Variants in ZNF469 observed in about 807,000 individuals in gnomAD.
The protein encoded by ZNF469 is zinc finger protein 469.
In ZNF469, 1 loss-of-function variant was observed where a neutral mutation model predicts 1.0. The observed-to-expected ratio is 1.00, with a 90% CI of 0.35 to 4.73. The LOEUF is 4.73. Among genes scored for constraint, ZNF469 ranks in the 30% most tolerant of loss-of-function variants. ZNF469 has a pLI of 0.16. For missense variants in ZNF469, 6,100 were observed against 5,356.3 expected, an observed-to-expected ratio of 1.14 and a Z score of -4.33; for synonymous variants, 2,703 against 2,363.4, an observed-to-expected ratio of 1.14 and a Z score of -4.17.
chr16:88,378,771 C>G (rs995970748), upstream of ZNF469, among the ~76,000 whole-genome samples: 2 of 152,240 alleles, frequency 1.3e-5, no homozygotes, highest in African/African-American at 4.8e-5. Flanking sequence ...TCAGCTTCCC[C>G]TATCTAGCAA....
At chr16:88,135,853 C>T in the ZNF469 span, among the ~76,000 whole-genome samples, 13 of 149,072 alleles carry the variant, frequency 8.7e-5, no homozygotes, top group African/African-American at 1.5e-4. Flanking sequence ...CTCCGTCTCC[C>T]GGGTTCACGC....
intron 2 of ZNF469, among the ~76,000 whole-genome samples, chr16:88,427,137 T>C (rs1905740367): frequency 6.6e-6 from 1 of 152,054 alleles, no homozygotes; most frequent in East Asian, 1.9e-4. Context: ...GGGTCCCTGT[T>C]CCATCTGGCG....
chr16:88,439,007 G>A lies in ZNF469; in HGVS notation c.11537G>A (p.Arg3846Gln), dbSNP rs542091960. ...CCCTCAGCCCCTGACAAGCCCCCCC[G>A]GACCCCTCGGAAGCAGGCAACTCCC... ...RAPSAPDKPP[R>Q]TPRKQATPSR... The change falls in exon 3 of 3, where the codon CGG (arginine) becomes CAG (glutamine). Residue 3846 changes from arginine to glutamine, a missense_variant. Transcript: ENST00000565624. 4.3e-5 allele frequency: 65 copies of A among 1,522,080 alleles called. No individual in the cohort carries two copies. The highest frequency in any genetic ancestry group is 1.7e-4 in the Middle Eastern group (1 of 5,854). 94.3% of individuals were successfully genotyped at this position (1,522,080 alleles called of 1,614,324 possible).
At chr16:88,422,478 G>C (rs1209118941) in intron 1 of ZNF469, among the ~76,000 whole-genome samples, 4 of 142,902 alleles carry the variant, frequency 2.8e-5, no homozygotes, top group African/African-American at 1.0e-4. Flanking sequence ...TGGATGGATG[G>C]GTGGGTGGAT....
chr16:88,433,118 G>A lies in ZNF469; in HGVS notation c.5648G>A (p.Cys1883Tyr). 4 of 1,550,346 alleles carry A rather than the reference G, an allele frequency of 2.6e-6. No individual in the cohort carries two copies. The highest frequency in any genetic ancestry group is 3.5e-6 in the Non-Finnish European group (4 of 1,146,954). The change falls in exon 3 of 3, where the codon TGT becomes TAT. Residue 1883 changes from cysteine to tyrosine, a missense_variant. Cys to Tyr is a radical substitution (Grantham distance 194). Coordinates refer to ENST00000565624, the MANE Select transcript of ZNF469 (RefSeq NM_001367624.2). The part of the protein sequence containing the change: ...AWLVPVPSPA[C>Y]VSNTHPSRRS... ...TTGGTCCCTGTGCCAAGTCCCGCCT[G>A]TGTATCCAACACCCACCCTAGCAGG...
chr16:88,187,753 C>T, the ZNF469 span, among the ~76,000 whole-genome samples: 17 of 141,172 alleles, frequency 1.2e-4, no homozygotes, highest in Admixed American at 1.2e-3. Flanking sequence ...GAAATCAAAA[C>T]CAGACAGAAT....
the ZNF469 span, among the ~76,000 whole-genome samples, chr16:88,216,289 A>G: frequency 6.6e-6 from 1 of 152,018 alleles, no homozygotes; most frequent in Non-Finnish European, 1.5e-5. Context: ...AGGTCAGGAG[A>G]TCGAGAACAT....
the ZNF469 span, among the ~76,000 whole-genome samples, chr16:88,236,810 T>C: frequency 6.6e-6 from 1 of 151,326 alleles, no homozygotes; most frequent in Non-Finnish European, 1.5e-5. Flanking sequence ...GAGGTTGCTG[T>C]GAGCCGAGCT....
the ZNF469 span, among the ~76,000 whole-genome samples, chr16:88,163,091 G>A: frequency 6.6e-6 from 1 of 151,346 alleles, no homozygotes; most frequent in Non-Finnish European, 1.5e-5. Flanking sequence ...ATGGATGCAT[G>A]ACTGGGTGGG....
At chr16:88,119,617 G>C in the ZNF469 span, among the ~76,000 whole-genome samples, 1 of 152,224 alleles carries the variant, frequency 6.6e-6, no homozygotes, top group African/African-American at 2.4e-5. Flanking sequence ...CGCAGAGGAT[G>C]GGGTGGAGAC....
the ZNF469 span, among the ~76,000 whole-genome samples, chr16:88,152,028 G>A: frequency 3.9e-5 from 6 of 152,196 alleles, no homozygotes; most frequent in East Asian, 5.8e-4. This position sits in a 1 kb window ranked among gnomAD's most constrained non-coding sequence, Gnocchi z 4.2. Context: ...AGATGGAAAC[G>A]CCTGCTTCTC....
the ZNF469 span, among the ~76,000 whole-genome samples, chr16:88,267,435 G>T: frequency 6.6e-6 from 1 of 152,254 alleles, no homozygotes. Context: ...TGTCCGTTCA[G>T]ACGTGGTGAG....
In ZNF469 at chr16:88,428,565, G is replaced by C; in HGVS notation, c.1095G>C (p.Pro365=). 6.5e-7 allele frequency: 1 copy of C among 1,550,146 alleles called. No homozygotes were observed. Among genetic ancestry groups the C allele is most frequent in the Non-Finnish European group, 8.7e-7 (1 of 1,146,854 alleles). Residue 365 remains proline, a synonymous_variant, in exon 3 of 3, where the codon CCG becomes CCC. Transcript: ENST00000565624. ...CCCCTGGAGCTGCTCACTCGGCCCC[G>C]AGACCCTTCTCTGACAGTTTACACA... The part of the protein sequence containing the change: ...LSSPGAAHSA[P]RPFSDSLHKS...
At chr16:88,131,505 G>GTTTGTTAGAACCTCTCGGCTTTC in the ZNF469 span, among the ~76,000 whole-genome samples, 12 of 104,906 alleles carry the variant, frequency 1.1e-4, no homozygotes, top group African/African-American at 5.0e-4. Flanking sequence ...TCTCGGCGCT[G>GTTTGTTAGAACCTCTCGGCTTTC]CCTTCCCGGG....
At chr16:88,176,008 G>C in the ZNF469 span, among the ~76,000 whole-genome samples, 409 of 152,328 alleles carry the variant, frequency 2.7e-3, 4 homozygotes, top group African/African-American at 9.4e-3. Flanking sequence ...CAGGTGGCTA[G>C]TGTGTGGTGA....
chr16:88,281,389 G>A, the ZNF469 span, among the ~76,000 whole-genome samples: 2 of 150,578 alleles, frequency 1.3e-5, no homozygotes, highest in Non-Finnish European at 2.9e-5. Flanking sequence ...AGATATCAGT[G>A]CATGGGTAAG....
At chr16:88,265,099 A>G in the ZNF469 span, among the ~76,000 whole-genome samples, 101,845 of 151,754 alleles carry the variant, frequency 0.67, 34,385 homozygotes, top group East Asian at 0.92. Context: ...CTCCGCCCTC[A>G]TCCTGTCAGG....
At chr16:88,133,363 G>T in the ZNF469 span, among the ~76,000 whole-genome samples, 1 of 152,328 alleles carries the variant, frequency 6.6e-6, no homozygotes, top group African/African-American at 2.4e-5. Flanking sequence ...ATTCATCTTT[G>T]CTCTGCAACC....
the ZNF469 span, among the ~76,000 whole-genome samples, chr16:88,226,438 C>T: frequency 2.6e-5 from 4 of 152,204 alleles, no homozygotes; most frequent in East Asian, 7.8e-4. Context: ...GGGCCTCCCA[C>T]AGCTGGAGTG....
Sources: allele counts gnomAD v4.1 joint callset (sites outside exome capture counted in the v4.1 genomes callset), GRCh38; gene constraint gnomAD v4.1.1; non-coding constraint Gnocchi (gnomAD v3.1); transcripts MANE v1.5; gene names NCBI Gene and HGNC (gene_info 2026-07-23, HGNC 2026-07-21).